The following SH3PXD2A variants were observed in gnomAD, a reference collection of about 807,000 sequenced individuals.
SH3PXD2A encodes the protein SH3 and PX domains 2A, also known as SH3 and PX domain-containing protein 2A.
SH3PXD2A carries 32 observed loss-of-function variants against 115.2 expected under a neutral mutation model. That is an observed-to-expected ratio of 0.28 (90% confidence interval 0.21 to 0.37). The LOEUF is 0.37. Ranked by LOEUF, SH3PXD2A falls within the 10% of genes least tolerant of loss-of-function variation. The pLI, the probability that SH3PXD2A is intolerant of heterozygous loss-of-function variation, is 1.00. For synonymous variants in SH3PXD2A, 610 were observed against 629.1 expected (o/e 0.97, Z 0.45); for missense variants, 1,328 against 1,498.7 (o/e 0.89, Z 1.88).
At chr10:103,795,339 G>C (rs1306716320) in intron 2 of SH3PXD2A, among the ~76,000 whole-genome samples, 1 of 152,204 alleles carries the variant, frequency 6.6e-6, no homozygotes, top group Non-Finnish European at 1.5e-5. Context: ...CCCTGCGTGT[G>C]AGTCTGGGTC....
At chr10:103,797,220 G>T (rs1031042712) in intron 2 of SH3PXD2A, among the ~76,000 whole-genome samples, 8 of 152,066 alleles carry the variant, frequency 5.3e-5, no homozygotes, top group African/African-American at 1.9e-4. Flanking sequence ...AATTTAATTG[G>T]ACATCTCATA....
At position 103,602,139 on chromosome 10, in the gene SH3PXD2A, C is replaced by T. The variant is rs765916483; in HGVS notation, c.3079G>A (p.Glu1027Lys). 48 of 1,577,608 alleles carry T rather than the reference C, an allele frequency of 3.0e-5. No homozygotes were observed. Among genetic ancestry groups the T allele is most frequent in the African/African-American group, 6.8e-5 (5 of 74,056 alleles). ...SFSTARSAAA[E>K]AKGRLAERAA... is the part of the protein sequence containing the mutation. Reference sequence around the variant, plus strand: ...CGTTCGGCCAGGCGGCCCTTGGCCTCGGCGGCAGCGGAGCGAGCAGTGCTA... The same window carrying T: ...CGTTCGGCCAGGCGGCCCTTGGCCTTGGCGGCAGCGGAGCGAGCAGTGCTA... Residue 1027 changes from glutamate (E) to lysine (K), a missense_variant, in exon 15 of 15, where the codon GAG becomes AAG. This residue lies in a region of SH3PXD2A where 574 missense variants were observed against 565.7 expected (regional missense o/e 1.01). Coordinates refer to ENST00000369774, the MANE Select transcript of SH3PXD2A (RefSeq NM_001394015.1).
At chr10:103,819,717 G>A (rs2039358468) in intron 1 of SH3PXD2A, among the ~76,000 whole-genome samples, 2 of 152,126 alleles carry the variant, frequency 1.3e-5, no homozygotes, top group South Asian at 4.2e-4. Context: ...GAATAGATGA[G>A]CATGTGAGGG....
intron 2 of SH3PXD2A, among the ~76,000 whole-genome samples, chr10:103,778,579 CAG>C (rs1422547213): frequency 1.3e-5 from 2 of 152,258 alleles, no homozygotes; most frequent in Admixed American, 6.5e-5. Context: ...GGAGTAGAAA[CAG>C]CGCCCCATGG....
chr10:103,601,656 G>C lies in SH3PXD2A; in HGVS notation c.*160C>G. ...CTACCTTCCAGCTGTGGGATGGCTT[G>C]GACAGGGGGCATCTTTGAGGTCACC... On this transcript the variant is annotated 3_prime_UTR_variant, in exon 15 of 15. Transcript: ENST00000369774. 1 of 573,780 alleles carries C rather than the reference G, an allele frequency of 1.7e-6. No homozygotes were observed. Among genetic ancestry groups the C allele is most frequent in the South Asian group, 2.0e-5 (1 of 50,220 alleles). 35.5% of individuals were successfully genotyped at this position (573,780 alleles called of 1,614,324 possible). A position where few individuals can be genotyped will look rare whatever the true frequency, so the allele number is the denominator to read the frequency against.
intron 1 of SH3PXD2A, among the ~76,000 whole-genome samples, chr10:103,811,345 A>G (rs2039268912): frequency 6.6e-6 from 1 of 152,230 alleles, no homozygotes; most frequent in South Asian, 2.1e-4. Context: ...GATCAGGAGT[A>G]AAAGAAACAC....
intron 2 of SH3PXD2A, among the ~76,000 whole-genome samples, chr10:103,791,202 C>CCCAT (rs1338298777): frequency 1.3e-5 from 2 of 152,196 alleles, no homozygotes; most frequent in East Asian, 3.8e-4. Flanking sequence ...CCACATTGAC[C>CCCAT]CCATGGAGAG....
intron 6 of SH3PXD2A, among the ~76,000 whole-genome samples, chr10:103,676,221 C>T (rs74154586): frequency 4.5e-4 from 69 of 152,262 alleles, no homozygotes; most frequent in African/African-American, 1.5e-3. Flanking sequence ...TGCTGCTTTT[C>T]GTAAATGCAG....
intron 5 of SH3PXD2A, among the ~76,000 whole-genome samples, chr10:103,721,670 C>A (rs1336288209): frequency 1.3e-5 from 2 of 152,192 alleles, no homozygotes; most frequent in Admixed American, 1.3e-4. Context: ...GGAGCATCTC[C>A]TCTCTCCCCA....
At chr10:103,830,583 C>T (rs1165710115) in intron 1 of SH3PXD2A, among the ~76,000 whole-genome samples, 1 of 152,154 alleles carries the variant, frequency 6.6e-6, no homozygotes, top group Non-Finnish European at 1.5e-5. Flanking sequence ...AGGCAAGCAA[C>T]TTCAGCGTCC....
At chr10:103,683,106 T>C (rs1289466729) in intron 6 of SH3PXD2A, among the ~76,000 whole-genome samples, 4 of 151,958 alleles carry the variant, frequency 2.6e-5, no homozygotes, top group Non-Finnish European at 5.9e-5. Context: ...ACGTCTGTAA[T>C]CCCAACACTT....
chr10:103,830,382 C>T (rs1209291345), intron 1 of SH3PXD2A, among the ~76,000 whole-genome samples: 2 of 152,172 alleles, frequency 1.3e-5, no homozygotes, highest in African/African-American at 2.4e-5. Context: ...GAAGGTCTTC[C>T]GGGTATTACC....
intron 5 of SH3PXD2A, among the ~76,000 whole-genome samples, chr10:103,694,704 C>T (rs1040086440): frequency 3.3e-5 from 5 of 152,166 alleles, no homozygotes; most frequent in Non-Finnish European, 4.4e-5. Flanking sequence ...CAGCCATTGC[C>T]GAAGGTTGCC....
intron 8 of SH3PXD2A, among the ~76,000 whole-genome samples, chr10:103,647,742 C>T (rs1479578064): frequency 2.6e-5 from 4 of 152,156 alleles, no homozygotes; most frequent in African/African-American, 9.7e-5. Context: ...AGTTAAAATC[C>T]CACCCTGTGG....
chr10:103,623,814 T>A (rs1280329496), intron 9 of SH3PXD2A, among the ~76,000 whole-genome samples: 1 of 152,214 alleles, frequency 6.6e-6, no homozygotes, highest in African/African-American at 2.4e-5. Flanking sequence ...AATCAGGTCC[T>A]GTGCAAGGCC....
chr10:103,814,031 C>T (rs938464457), intron 1 of SH3PXD2A, among the ~76,000 whole-genome samples: 20 of 149,948 alleles, frequency 1.3e-4, no homozygotes, highest in Middle Eastern at 3.4e-3. Flanking sequence ...AAAAAAAAAC[C>T]ACACCCTTTT....
chr10:103,636,659 G>A (rs557119217), intron 8 of SH3PXD2A, among the ~76,000 whole-genome samples: 5 of 152,100 alleles, frequency 3.3e-5, no homozygotes, highest in Admixed American at 6.5e-5. Context: ...TAATGAGCTC[G>A]TTAGGGCCAG....
intron 1 of SH3PXD2A, among the ~76,000 whole-genome samples, chr10:103,813,197 G>A (rs2039289755): frequency 6.6e-6 from 1 of 152,206 alleles, no homozygotes; most frequent in African/African-American, 2.4e-5. Flanking sequence ...GTTTGCATAT[G>A]TGTGTGTCTA....
chr10:103,742,752 G>A (rs968202314), intron 3 of SH3PXD2A, among the ~76,000 whole-genome samples: 5 of 152,192 alleles, frequency 3.3e-5, no homozygotes, highest in Admixed American at 1.3e-4. Flanking sequence ...ACAGGGGAGT[G>A]TCTGAACAGA....
Sources: allele counts gnomAD v4.1 joint callset (sites outside exome capture counted in the v4.1 genomes callset), GRCh38; gene constraint gnomAD v4.1.1; regional missense constraint gnomAD v4.1.1; transcripts MANE v1.5; gene names NCBI Gene and HGNC (gene_info 2026-07-23, HGNC 2026-07-21).